The following WDPCP variants were observed in gnomAD, a reference collection of about 807,000 sequenced individuals.
The protein encoded by WDPCP is WD repeat containing planar cell polarity effector, also known as WD repeat-containing and planar cell polarity effector protein fritz homolog.
In WDPCP, 71 loss-of-function variants were observed where a neutral mutation model predicts 93.1. The observed-to-expected ratio is 0.76, with a 90% CI of 0.63 to 0.93. The LOEUF (loss-of-function observed/expected upper bound fraction) is 0.93. Among genes scored for constraint, WDPCP ranks in the 40% least tolerant of loss-of-function variants. The pLI is 0.00. For synonymous variants in WDPCP, 315 were observed against 315.0 expected, an observed-to-expected ratio of 1.00 and a Z score of 0.00; for missense variants, 844 against 887.4, an observed-to-expected ratio of 0.95 and a Z score of 0.62.
At chr2:63,288,484 T>C (rs192056673) in intron 13 of WDPCP, among the ~76,000 whole-genome samples, 2 of 152,246 alleles carry the variant, frequency 1.3e-5, no homozygotes, top group African/African-American at 2.4e-5. Flanking sequence ...AATAGTAGAG[T>C]CTAGATCTGT....
chr2:63,636,272 A>G (rs1170128950), intron 3 of WDPCP, among the ~76,000 whole-genome samples: 1 of 152,230 alleles, frequency 6.6e-6, no homozygotes, highest in Non-Finnish European at 1.5e-5. Flanking sequence ...AAATGTCCAT[A>G]CTATCCAAAG....
At chr2:63,697,746 G>A (rs993016236) in intron 2 of WDPCP, among the ~76,000 whole-genome samples, 1 of 145,190 alleles carries the variant, frequency 6.9e-6, no homozygotes. Flanking sequence ...TTCCTGGGCT[G>A]AGGTGATTCT....
intron 2 of WDPCP, among the ~76,000 whole-genome samples, chr2:63,734,925 CAG>C: frequency 6.7e-6 from 1 of 149,846 alleles, no homozygotes; most frequent in East Asian, 1.9e-4. Flanking sequence ...AGATGATAGA[CAG>C]ATGAAGAAAT....
At chr2:63,446,011 C>T (rs1201952848) in intron 6 of WDPCP, among the ~76,000 whole-genome samples, 1 of 152,072 alleles carries the variant, frequency 6.6e-6, no homozygotes, top group Non-Finnish European at 1.5e-5. Context: ...AAGTGGAGAC[C>T]AAGACAGGTC....
In WDPCP at chr2:63,362,277, T is replaced by TTGTGTGTGTGTGTGTGTG. The variant is rs140044354; in HGVS notation, c.1748+16091_1748+16108dup. On this transcript the variant is annotated intron_variant, in intron 12 of 17. Transcript: ENST00000272321. The stretch of plus-strand genomic sequence containing the variant: ...GAATCCCTTTTTTTTTTTTTTTTGG[T>TTGTGTGTGTGTGTGTGTG]TGTGTGTGTGTGTGTGTGTGTGTGT... Among the ~76,000 whole-genome samples the TTGTGTGTGTGTGTGTGTG allele has an allele frequency of 7.1e-4, 67 of 94,098 alleles. 1 individual carries two copies. Among genetic ancestry groups the TTGTGTGTGTGTGTGTGTG allele is most frequent in the Admixed American group, 1.5e-3 (11 of 7,106 alleles). The allele number at this position is 94,098 out of a possible 152,430, so 61.7% of individuals were successfully genotyped here.
At chr2:63,405,152 G>T (rs781723979) in intron 9 of WDPCP, among the ~76,000 whole-genome samples, 39 of 152,200 alleles carry the variant, frequency 2.6e-4, no homozygotes, top group Non-Finnish European at 5.1e-4. Context: ...TTGGTAAATT[G>T]CTTATTAGAA....
At chr2:63,494,727 T>C (rs1024278715) in intron 1 of WDPCP, among the ~76,000 whole-genome samples, 1 of 152,088 alleles carries the variant, frequency 6.6e-6, no homozygotes, top group Non-Finnish European at 1.5e-5. Context: ...GAGACCATCC[T>C]GGCTAACACG....
chr2:63,434,648 T>A (rs1226747795), intron 8 of WDPCP, among the ~76,000 whole-genome samples: 3 of 152,036 alleles, frequency 2.0e-5, no homozygotes, highest in African/African-American at 7.2e-5. Flanking sequence ...GGTTGATAGC[T>A]TGGAAGAAAA....
At chr2:63,764,902 G>A (rs1232087132) in intron 2 of WDPCP, among the ~76,000 whole-genome samples, 1 of 152,158 alleles carries the variant, frequency 6.6e-6, no homozygotes, top group Non-Finnish European at 1.5e-5. Flanking sequence ...TGTTTGGATG[G>A]GGTAGAGTAG....
intron 10 of WDPCP, among the ~76,000 whole-genome samples, chr2:63,394,256 T>C (rs984503727): frequency 3.9e-5 from 6 of 152,016 alleles, no homozygotes; most frequent in African/African-American, 1.4e-4. Flanking sequence ...AAAGAAGACA[T>C]ACATGCAGCC....
chr2:63,196,904 T>C (rs1191466743), intron 14 of WDPCP, among the ~76,000 whole-genome samples: 1 of 152,238 alleles, frequency 6.6e-6, no homozygotes, highest in Non-Finnish European at 1.5e-5. Context: ...GGGTTCTGAC[T>C]GTTCAAGACT....
chr2:63,828,512 T>C (rs1022610691), upstream of WDPCP, among the ~76,000 whole-genome samples: 2 of 152,158 alleles, frequency 1.3e-5, no homozygotes, highest in Non-Finnish European at 2.9e-5. Context: ...ACTTAGTACC[T>C]AGAACGGTGC....
intron 12 of WDPCP, among the ~76,000 whole-genome samples, chr2:63,338,843 G>T (rs1465601855): frequency 6.6e-6 from 1 of 151,366 alleles, no homozygotes; most frequent in Non-Finnish European, 1.5e-5. Flanking sequence ...TTTTGTTCAG[G>T]ATTGCTTTGG....
intron 2 of WDPCP, among the ~76,000 whole-genome samples, chr2:63,677,864 G>A (rs1326989921): frequency 1.3e-5 from 2 of 152,140 alleles, no homozygotes; most frequent in African/African-American, 2.4e-5. Context: ...GGGTAAATGC[G>A]TGGGTAAATC....
chr2:63,179,164 C>A (rs1336061310), intron 14 of WDPCP, among the ~76,000 whole-genome samples: 1 of 143,930 alleles, frequency 6.9e-6, no homozygotes, highest in Non-Finnish European at 1.5e-5. Flanking sequence ...TGCACCACTG[C>A]ACTCCAGCCT....
chr2:63,606,044 G>A, intron 3 of WDPCP: 1 of 1,599,780 alleles, frequency 6.3e-7, no homozygotes, highest in Non-Finnish European at 8.6e-7. Context: ...GTATTTTGGA[G>A]CTATTTCCCT....
chr2:63,588,471 A>G lies in WDPCP; in HGVS notation c.-200T>C, dbSNP rs1199854272. 9.0e-6 allele frequency: 6 copies of G among 666,808 alleles called. No homozygotes were observed. Among genetic ancestry groups the G allele is most frequent in the South Asian group, 5.0e-5 (3 of 59,884 alleles). 41.3% of individuals were successfully genotyped at this position (666,808 alleles called of 1,614,324 possible). A position where few individuals can be genotyped will look rare whatever the true frequency, so the allele number is the denominator to read the frequency against. ...CCTGAGAAGCTGTCCGGTCGTCCCAACTTATCAATTCCCCCGCCCCTCCAG... is the reference window on the plus strand; with the variant it reads ...CCTGAGAAGCTGTCCGGTCGTCCCAGCTTATCAATTCCCCCGCCCCTCCAG... On this transcript the variant is annotated 5_prime_UTR_variant, in exon 1 of 18. Coordinates refer to ENST00000272321, the MANE Select transcript of WDPCP (RefSeq NM_015910.7).
chr2:63,407,136 C>T (rs564466621), intron 9 of WDPCP, among the ~76,000 whole-genome samples: 12 of 151,902 alleles, frequency 7.9e-5, no homozygotes, highest in East Asian at 5.8e-4. Flanking sequence ...GAGTGGGGCT[C>T]GGGGTGTGAT....
chr2:63,175,923 A>G (rs1477012291), intron 14 of WDPCP, among the ~76,000 whole-genome samples: 1 of 152,142 alleles, frequency 6.6e-6, no homozygotes, highest in Non-Finnish European at 1.5e-5. Context: ...AGACCCTGCT[A>G]TCAGTGCTTT....
Sources: allele counts gnomAD v4.1 joint callset (sites outside exome capture counted in the v4.1 genomes callset), GRCh38; gene constraint gnomAD v4.1.1; transcripts MANE v1.5; gene names NCBI Gene and HGNC (gene_info 2026-07-23, HGNC 2026-07-21).